The following ZFAND3 variants were observed in gnomAD, a reference collection of about 807,000 sequenced individuals.
ZFAND3 encodes the protein AN1-type zinc finger protein 3.
ZFAND3 carries 10 observed loss-of-function variants against 29.6 expected under a neutral mutation model. That is an observed-to-expected ratio of 0.34 (90% confidence interval 0.21 to 0.57). The LOEUF (loss-of-function observed/expected upper bound fraction) is 0.57, where lower values mean the gene tolerates loss of function less well. Ranked by LOEUF, ZFAND3 falls within the 20% of genes least tolerant of loss-of-function variation. ZFAND3 has a pLI of 0.86. For synonymous variants in ZFAND3, 128 were observed against 112.6 expected (o/e 1.14, Z -0.87); for missense variants, 230 against 304.5 (o/e 0.76, Z 1.82).
intron 2 of ZFAND3, among the ~76,000 whole-genome samples, chr6:37,977,490 CGGG>C (rs938691864): frequency 1.3e-5 from 2 of 151,766 alleles, no homozygotes; most frequent in Non-Finnish European, 2.9e-5. Flanking sequence ...TTAGTAGAGA[CGGG>C]GGTTTCACCA....
chr6:38,131,951 A>G (rs1053310926), intron 5 of ZFAND3, among the ~76,000 whole-genome samples: 10 of 152,228 alleles, frequency 6.6e-5, no homozygotes, highest in African/African-American at 1.9e-4. Context: ...TCCAGGGTAC[A>G]TGTGCAGCCT....
chr6:38,040,888 C>T (rs1763747313), intron 2 of ZFAND3, among the ~76,000 whole-genome samples: 1 of 152,192 alleles, frequency 6.6e-6, no homozygotes, highest in African/African-American at 2.4e-5. Context: ...ATCTGATCCA[C>T]AGTCTATATT....
intron 5 of ZFAND3, among the ~76,000 whole-genome samples, chr6:38,144,233 T>A (rs193207727): frequency 0.16 from 9,108 of 58,668 alleles, 592 homozygotes; most frequent in Non-Finnish European, 0.2. Flanking sequence ...ATATATATAT[T>A]TTTTTTTTAA....
chr6:37,856,447 A>G (rs1764384518), intron 1 of ZFAND3, among the ~76,000 whole-genome samples: 1 of 152,178 alleles, frequency 6.6e-6, no homozygotes, highest in Non-Finnish European at 1.5e-5. Flanking sequence ...AGTATTCAGC[A>G]TATATAGCTT....
In ZFAND3 at chr6:38,026,711, G is replaced by A. The variant is rs1236388269; in HGVS notation, c.113-34882G>A. Reference sequence around the variant, plus strand: ...CTCCCAAAGTGCTAGGATTACAGGCGTGAGCTACCACGCCCGGCCAATCCA... The same window carrying A: ...CTCCCAAAGTGCTAGGATTACAGGCATGAGCTACCACGCCCGGCCAATCCA... On this transcript the variant is annotated intron_variant, in intron 2 of 5. Coordinates refer to ENST00000287218, the MANE Select transcript of ZFAND3 (RefSeq NM_021943.3). Among the ~76,000 whole-genome samples the A allele has an allele frequency of 5.3e-5, 8 of 152,166 alleles. No individual in the cohort carries two copies. The East Asian group carries it at 9.7e-4, about 18-fold the overall frequency.
At position 37,906,666 on chromosome 6, in the gene ZFAND3, A is replaced by G. The variant is rs774014042; in HGVS notation, c.72-23293A>G. Among the ~76,000 whole-genome samples, 18 of 149,730 alleles carry G rather than the reference A, an allele frequency of 1.2e-4. No homozygotes were observed. In the South Asian group the frequency reaches 3.2e-3, roughly 26 times the overall value. On this transcript the variant is annotated intron_variant, in intron 1 of 5. Coordinates refer to ENST00000287218, the MANE Select transcript of ZFAND3 (RefSeq NM_021943.3). ...TCCATTAGCAATGTATGAGGGTTCC[A>G]GTTTCTCCACATACTGGCCAACACT...
chr6:38,152,425 G>A lies in ZFAND3; in HGVS notation c.*36G>A. On this transcript the variant is annotated 3_prime_UTR_variant, in exon 6 of 6. Coordinates refer to ENST00000287218, the MANE Select transcript of ZFAND3 (RefSeq NM_021943.3). ...TGGCCACCACGTGACGCTGTTCTTA[G>A]TTCACTAATGTTAGCCTTATTTAGG... 6.6e-7 allele frequency: 1 copy of A among 1,514,578 alleles called. No individual in the cohort carries two copies. Among genetic ancestry groups the A allele is most frequent in the Non-Finnish European group, 8.8e-7 (1 of 1,131,874 alleles). 93.8% of individuals were successfully genotyped at this position (1,514,578 alleles called of 1,614,324 possible).
intron 3 of ZFAND3, among the ~76,000 whole-genome samples, chr6:38,075,869 A>G (rs1048640363): frequency 6.6e-6 from 1 of 152,058 alleles, no homozygotes. Context: ...CTCCTGCCTC[A>G]GCCTCCCGAC....
Position 38,116,752 on chromosome 6 carries a change from C to A in ZFAND3, c.529+13C>A, listed in dbSNP as rs1306447588. The A allele has an allele frequency of 6.2e-7, 1 of 1,612,228 alleles. No individual in the cohort carries two copies. The highest frequency in any genetic ancestry group is 8.5e-7 in the Non-Finnish European group (1 of 1,178,612). On this transcript the variant is annotated intron_variant, in intron 5 of 5. Transcript: ENST00000287218. Reference sequence around the variant, plus strand: ...TCGTGTCGCTGCGGTAAGCATCTCCCCCAGTGGCGTGATGGAGACTATATC... The same window carrying A: ...TCGTGTCGCTGCGGTAAGCATCTCCACCAGTGGCGTGATGGAGACTATATC...
At chr6:38,006,559 C>T (rs2127441811) in intron 2 of ZFAND3, among the ~76,000 whole-genome samples, 1 of 151,946 alleles carries the variant, frequency 6.6e-6, no homozygotes, top group African/African-American at 2.4e-5. Context: ...ATGTATAACA[C>T]AGAGTGGGCA....
At chr6:37,836,394 G>A (rs954214317) in intron 1 of ZFAND3, among the ~76,000 whole-genome samples, 1 of 152,178 alleles carries the variant, frequency 6.6e-6, no homozygotes, top group Non-Finnish European at 1.5e-5. Context: ...GTTTGGAAAG[G>A]AGTTGGATAC....
At chr6:38,040,126 T>A (rs954556824) in intron 2 of ZFAND3, among the ~76,000 whole-genome samples, 3 of 152,144 alleles carry the variant, frequency 2.0e-5, no homozygotes, top group African/African-American at 7.2e-5. Flanking sequence ...ATTTTCTACT[T>A]TTTTTCGTTG....
chr6:38,076,486 T>G (rs1340329687), intron 3 of ZFAND3, among the ~76,000 whole-genome samples: 1 of 152,120 alleles, frequency 6.6e-6, no homozygotes, highest in African/African-American at 2.4e-5. Flanking sequence ...ATTAGCAAAA[T>G]AGATAAGCTA....
rs758323712 is a variant in ZFAND3 at position 38,116,576 on chromosome 6, A to G, written c.366A>G (p.Ser122=). 1.9e-6 allele frequency: 3 copies of G among 1,609,608 alleles called. No individual in the cohort carries two copies. In the South Asian group the frequency reaches 3.3e-5, roughly 18 times the overall value. ...TPTKRSCGTD[S]QSENEASPVK... ...CAAATATGTTGTTTTGGTCAGATTC[A>G]CAGTCTGAGAATGAGGCTTCACCAG... Residue 122 remains serine, a synonymous_variant, in exon 5 of 6, where the codon TCA becomes TCG. Transcript: ENST00000287218.
At chr6:38,041,676 CT>C (rs1561976745) in intron 2 of ZFAND3, among the ~76,000 whole-genome samples, 267 of 25,238 alleles carry the variant, frequency 0.011, 5 homozygotes, top group Middle Eastern at 0.034. Flanking sequence ...TCTTCTTCTT[CT>C]TCTTCTTCTC....
intron 1 of ZFAND3, among the ~76,000 whole-genome samples, chr6:37,873,632 G>A (rs150265377): frequency 2.0e-5 from 3 of 152,204 alleles, no homozygotes; most frequent in Non-Finnish European, 2.9e-5. Context: ...GAATAGTGAA[G>A]GTCAGCTGGA....
At chr6:38,020,000 G>A (rs1346172592) in intron 2 of ZFAND3, among the ~76,000 whole-genome samples, 3 of 152,054 alleles carry the variant, frequency 2.0e-5, no homozygotes, top group Admixed American at 2.0e-4. Flanking sequence ...GATTACAGGC[G>A]TGAGCCACCA....
Position 38,091,473 on chromosome 6 carries a change from ATTTTTTTTTTT to A in ZFAND3, c.361+9033_361+9043del, listed in dbSNP as rs5875611. On this transcript the variant is annotated intron_variant, in intron 4 of 5. Transcript: ENST00000287218. ...CCCTCTCCTCCTTTGAAACTTTAGG[ATTTTTTTTTTT>A]TTTTTTTTTTTTTTTTGGTGGGGGT... Among the ~76,000 whole-genome samples, 498 of 73,702 alleles carry A rather than the reference ATTTTTTTTTTT, an allele frequency of 6.8e-3. 4 individuals carry two copies. Among genetic ancestry groups the A allele is most frequent in the Middle Eastern group, 0.034 (4 of 116 alleles). 48.4% of individuals were successfully genotyped at this position (73,702 alleles called of 152,430 possible).
intron 2 of ZFAND3, among the ~76,000 whole-genome samples, chr6:38,025,445 T>A (rs1763429737): frequency 6.6e-6 from 1 of 152,244 alleles, no homozygotes; most frequent in South Asian, 2.1e-4. Flanking sequence ...GAATTTTTAT[T>A]TTTTTGAAAC....
Sources: gnomAD v4.1 joint callset for allele counts (sites outside exome capture counted in the v4.1 genomes callset) on GRCh38, gnomAD v4.1.1 for gene constraint, MANE v1.5 for transcripts, NCBI Gene and HGNC (gene_info 2026-07-23, HGNC 2026-07-21) for gene names.